CFAP95: variants seen among roughly 807,000 people sequenced by gnomAD.
The protein encoded by CFAP95 is cilia and flagella associated protein 95.
the CFAP95 span, chr9:69,844,436 A>G: frequency 2.5e-6 from 2 of 799,040 alleles, no homozygotes; most frequent in East Asian, 2.8e-5. Context: ...GAAAATTTTC[A>G]TTGGATAATT....
the CFAP95 span, among the ~76,000 whole-genome samples, chr9:69,885,815 C>A: frequency 1.4e-4 from 21 of 152,142 alleles, no homozygotes; most frequent in African/African-American, 3.9e-4. Flanking sequence ...CCTTGGAATG[C>A]AGAGCTCCTG....
the CFAP95 span, chr9:69,844,701 T>C: frequency 3.4e-5 from 37 of 1,077,634 alleles, 1 homozygote; most frequent in South Asian, 4.1e-4. Flanking sequence ...AAGGGAGGAG[T>C]GTTTTGTGCA....
the CFAP95 span, among the ~76,000 whole-genome samples, chr9:69,903,388 T>C: frequency 6.6e-6 from 1 of 152,354 alleles, no homozygotes; most frequent in Middle Eastern, 3.4e-3. Flanking sequence ...ATTCTGCTCC[T>C]AGACCTGGGA....
the CFAP95 span, among the ~76,000 whole-genome samples, chr9:69,872,140 T>A: frequency 6.6e-6 from 1 of 152,228 alleles, no homozygotes; most frequent in Non-Finnish European, 1.5e-5. Context: ...TCTGTCTGAC[T>A]GCAGAGCCTG....
chr9:69,870,523 G>A, the CFAP95 span, among the ~76,000 whole-genome samples: 55 of 152,274 alleles, frequency 3.6e-4, 1 homozygote, highest in Non-Finnish European at 5.0e-4. Flanking sequence ...TTTCATCCTT[G>A]CGATCTCAAG....
the CFAP95 span, among the ~76,000 whole-genome samples, chr9:69,822,505 A>G: frequency 2.0e-5 from 3 of 152,332 alleles, no homozygotes; most frequent in South Asian, 6.2e-4. Context: ...TTAGCCTCAT[A>G]TAGGGCTTAC....
chr9:69,893,979 AG>A, the CFAP95 span, among the ~76,000 whole-genome samples: 2 of 152,228 alleles, frequency 1.3e-5, no homozygotes, highest in African/African-American at 4.8e-5. Context: ...AGGTAGTGGT[AG>A]GGGGTAGAAT....
chr9:69,846,414 A>G, the CFAP95 span, among the ~76,000 whole-genome samples: 2 of 152,164 alleles, frequency 1.3e-5, no homozygotes, highest in Non-Finnish European at 2.9e-5. Context: ...CAGATTTGGA[A>G]TGTGTATTCA....
At chr9:69,855,573 G>T in the CFAP95 span, among the ~76,000 whole-genome samples, 1 of 152,158 alleles carries the variant, frequency 6.6e-6, no homozygotes, top group Non-Finnish European at 1.5e-5. Flanking sequence ...GGGAAATTTG[G>T]CTGGGAGGAT....
At chr9:69,879,722 A>T in the CFAP95 span, among the ~76,000 whole-genome samples, 1 of 152,248 alleles carries the variant, frequency 6.6e-6, no homozygotes, top group Non-Finnish European at 1.5e-5. Flanking sequence ...TTGTAAGGCC[A>T]GTCCTTTATC....
chr9:69,831,287 A>G, the CFAP95 span, among the ~76,000 whole-genome samples: 12 of 152,326 alleles, frequency 7.9e-5, no homozygotes, highest in Middle Eastern at 0.01. Flanking sequence ...TTTTGAAATT[A>G]AAATATAGGA....
the CFAP95 span, among the ~76,000 whole-genome samples, chr9:69,822,828 G>T: frequency 2.0e-5 from 3 of 152,186 alleles, no homozygotes; most frequent in African/African-American, 4.8e-5. Context: ...CTCATGCGTT[G>T]GTTTTAGAAG....
chr9:69,854,865 G>A, the CFAP95 span, among the ~76,000 whole-genome samples: 1 of 152,194 alleles, frequency 6.6e-6, no homozygotes, highest in African/African-American at 2.4e-5. Flanking sequence ...ACAGCTGTAG[G>A]TTGTTCTGAG....
chr9:69,859,516 G>A, the CFAP95 span, among the ~76,000 whole-genome samples: 4 of 152,006 alleles, frequency 2.6e-5, no homozygotes, highest in East Asian at 1.9e-4. Context: ...CATCTTCCAC[G>A]CTAGAGACAT....
the CFAP95 span, among the ~76,000 whole-genome samples, chr9:69,839,725 C>T: frequency 1.3e-5 from 2 of 151,290 alleles, no homozygotes; most frequent in African/African-American, 4.9e-5. Flanking sequence ...CATGTCTGGA[C>T]AAATTTTGGT....
chr9:69,894,990 C>A, the CFAP95 span, among the ~76,000 whole-genome samples: 3 of 144,592 alleles, frequency 2.1e-5, no homozygotes, highest in African/African-American at 2.6e-5. Context: ...GACTCTATCT[C>A]AAAAAAAAAG....
the CFAP95 span, among the ~76,000 whole-genome samples, chr9:69,852,435 G>A: frequency 4.6e-5 from 7 of 152,100 alleles, no homozygotes; most frequent in Admixed American, 6.6e-5. Flanking sequence ...AAACAGATCT[G>A]GTCAAAATAA....
At chr9:69,885,770 G>C in the CFAP95 span, among the ~76,000 whole-genome samples, 1 of 152,118 alleles carries the variant, frequency 6.6e-6, no homozygotes, top group African/African-American at 2.4e-5. Context: ...GGGTCAAAAA[G>C]TTCATAGAGG....
the CFAP95 span, among the ~76,000 whole-genome samples, chr9:69,838,273 A>C: frequency 6.6e-6 from 1 of 152,012 alleles, no homozygotes; most frequent in African/African-American, 2.4e-5. Context: ...GTGAAGAAAG[A>C]CATTGGTAGC....
Sources: allele counts gnomAD v4.1 joint callset (sites outside exome capture counted in the v4.1 genomes callset), GRCh38; gene constraint gnomAD v4.1.1; transcripts MANE v1.5; gene names NCBI Gene and HGNC (gene_info 2026-07-23, HGNC 2026-07-21).